The following GABPB2 variants were observed in gnomAD, a reference collection of about 807,000 sequenced individuals.
The protein encoded by GABPB2 is GA binding protein transcription factor subunit beta 2.
GABPB2 carries 23 observed loss-of-function variants against 39.1 expected under a neutral mutation model. The ratio of observed to expected loss-of-function variants is 0.59; its 90% CI spans 0.42 to 0.83. GABPB2 has a LOEUF of 0.83. Among genes scored for constraint, GABPB2 ranks in the 40% least tolerant of loss-of-function variants. GABPB2 has a pLI of 0.00. For missense variants in GABPB2, 467 were observed against 541.1 expected, an observed-to-expected ratio of 0.86 and a Z score of 1.36; for synonymous variants, 184 against 199.3, an observed-to-expected ratio of 0.92 and a Z score of 0.65.
At chr1:151,088,525 A>G (rs1302019362) in intron 2 of GABPB2, 14 of 1,079,562 alleles carry the variant, frequency 1.3e-5, no homozygotes, top group Non-Finnish European at 2.6e-6. Flanking sequence ...AAGGTATTAT[A>G]TACTTGTGAT....
chr1:151,098,523 A>T (rs1454774026), intron 5 of GABPB2, among the ~76,000 whole-genome samples: 1 of 151,976 alleles, frequency 6.6e-6, no homozygotes, highest in East Asian at 1.9e-4. Context: ...AAAAAGGAAA[A>T]TATTGTACAG....
intron 4 of GABPB2, among the ~76,000 whole-genome samples, chr1:151,096,398 G>C (rs943747898): frequency 3.9e-5 from 6 of 152,118 alleles, no homozygotes; most frequent in African/African-American, 1.4e-4. Flanking sequence ...CTGGGCGACA[G>C]AGTGGGACTC....
chr1:151,112,904 G>A (rs1262134527), intron 7 of GABPB2, among the ~76,000 whole-genome samples: 3 of 151,342 alleles, frequency 2.0e-5, no homozygotes, highest in Non-Finnish European at 4.4e-5. Context: ...CTGAGTAGCT[G>A]GGACTACAGG....
chr1:151,106,948 G>T, intron 6 of GABPB2, 89 bp from the exon 7 acceptor site: 2 of 795,660 alleles, frequency 2.5e-6, no homozygotes, highest in Non-Finnish European at 3.8e-6. Flanking sequence ...TCCTCTCCCT[G>T]AATGTTGTCA....
At chr1:151,079,574 T>C (rs1210109911) in intron 1 of GABPB2, among the ~76,000 whole-genome samples, 1 of 151,618 alleles carries the variant, frequency 6.6e-6, no homozygotes, top group Admixed American at 6.6e-5. Context: ...TAAATGTAGA[T>C]ATGAAAGCAG....
intron 5 of GABPB2, among the ~76,000 whole-genome samples, chr1:151,101,574 CAAAAAAAAAAGAA>C (rs747251794): frequency 7.2e-6 from 1 of 139,838 alleles, no homozygotes; most frequent in Non-Finnish European, 1.6e-5. Flanking sequence ...AACTCCGTCT[CAAAAAAAAAAGAA>C]AAAGAAAAAA....
intron 6 of GABPB2, among the ~76,000 whole-genome samples, chr1:151,106,446 T>C (rs917704745): frequency 1.3e-5 from 2 of 152,072 alleles, no homozygotes; most frequent in Non-Finnish European, 2.9e-5. Context: ...CAAGCGATTC[T>C]CGTGCCTCAG....
chr1:151,083,744 G>T (rs930817355), intron 1 of GABPB2, among the ~76,000 whole-genome samples: 3 of 150,614 alleles, frequency 2.0e-5, no homozygotes, highest in Non-Finnish European at 4.4e-5. Context: ...TCATTTATTT[G>T]TTATTATTAT....
intron 7 of GABPB2, among the ~76,000 whole-genome samples, chr1:151,113,394 C>T (rs141617768): frequency 0.011 from 1,629 of 148,776 alleles, 43 homozygotes; most frequent in African/African-American, 0.039. Flanking sequence ...GGGTGAACCC[C>T]GGAGGCGGAG....
At chr1:151,081,317 C>T (rs1162385939) in intron 1 of GABPB2, among the ~76,000 whole-genome samples, 6 of 152,070 alleles carry the variant, frequency 3.9e-5, no homozygotes, top group East Asian at 3.9e-4. Context: ...GGTGAAACCC[C>T]GTCTCTACTA....
chr1:151,087,633 C>T (rs1045659650), intron 1 of GABPB2, among the ~76,000 whole-genome samples: 14 of 151,560 alleles, frequency 9.2e-5, no homozygotes, highest in Admixed American at 7.2e-4. Flanking sequence ...AGCAATACAG[C>T]GAGACTTAGT....
At chr1:151,071,453 C>CTT (rs71090124) in intron 1 of GABPB2, among the ~76,000 whole-genome samples, 2 of 100,522 alleles carry the variant, frequency 2.0e-5, no homozygotes, top group Admixed American at 1.5e-4. Context: ...CTTTTTTGCT[C>CTT]TTTTTTTTTT....
rs939642966 is a variant in GABPB2 at position 151,090,346 on chromosome 1, C to G, written c.109-60C>G. Reference sequence around the variant, plus strand: ...CCATAGCTTGTTCATTTGTATCTCTCCAGTAACGATCTAGGACTCTGCACA... The same window carrying G: ...CCATAGCTTGTTCATTTGTATCTCTGCAGTAACGATCTAGGACTCTGCACA... On this transcript the variant is annotated intron_variant, in intron 2 of 8. Transcript: ENST00000368918. 4 of 1,452,864 alleles carry G rather than the reference C, an allele frequency of 2.8e-6. No individual in the cohort carries two copies. The African/African-American group carries it at 5.6e-5, about 20-fold the overall frequency. The allele number at this position is 1,452,864 out of a possible 1,614,324, so 90.0% of individuals were successfully genotyped here.
At chr1:151,113,395 G>A (rs964010144) in intron 7 of GABPB2, among the ~76,000 whole-genome samples, 4 of 151,392 alleles carry the variant, frequency 2.6e-5, no homozygotes, top group African/African-American at 9.7e-5. Flanking sequence ...GGTGAACCCC[G>A]GAGGCGGAGC....
At chr1:151,083,382 A>G (rs1677885337) in intron 1 of GABPB2, among the ~76,000 whole-genome samples, 1 of 152,238 alleles carries the variant, frequency 6.6e-6, no homozygotes, top group Admixed American at 6.5e-5. Flanking sequence ...CTGTAATCCC[A>G]GCACTTTGGG....
chr1:151,118,076 G>T lies in GABPB2; in HGVS notation c.1167G>T (p.Leu389=), dbSNP rs1241350623. ...EQEAEQYRLK[L]EAIARQQPNG... ...AAGCAGAACAGTACCGTCTTAAGCT[G>T]GAGGCCATAGCCCGACAGCAGCCCA... The change falls in exon 9 of 9, where the codon CTG becomes CTT. Residue 389 remains leucine (L), a synonymous_variant. Coordinates refer to ENST00000368918, the MANE Select transcript of GABPB2 (RefSeq NM_144618.3). 6.2e-7 allele frequency: 1 copy of T among 1,614,156 alleles called. No homozygotes were observed. The highest frequency in any genetic ancestry group is 8.5e-7 in the Non-Finnish European group (1 of 1,180,034).
At position 151,076,673 on chromosome 1, in the gene GABPB2, A is replaced by G. The variant is rs965402990; in HGVS notation, c.-1+5739A>G. On this transcript the variant is annotated intron_variant, in intron 1 of 8. Coordinates refer to ENST00000368918, the MANE Select transcript of GABPB2 (RefSeq NM_144618.3). ...TCGAACACCTGACCTCAGGTGATCC[A>G]CCCGCCTCAGCCTCCCAAAGTGCTG... Among the ~76,000 whole-genome samples the G allele has an allele frequency of 1.5e-3, 226 of 151,702 alleles. 1 individual carries two copies. Among genetic ancestry groups the G allele is most frequent in the African/African-American group, 5.4e-3 (222 of 41,310 alleles).
intron 1 of GABPB2, 107 bp downstream of exon 1, chr1:151,071,041 T>G (rs1008914843): frequency 6.6e-6 from 1 of 151,786 alleles, no homozygotes; most frequent in South Asian, 2.1e-4. Flanking sequence ...GACTTCTGGG[T>G]GCAGACCTCG....
At chr1:151,109,020 T>C (rs1464200295) in intron 7 of GABPB2, among the ~76,000 whole-genome samples, 1 of 151,764 alleles carries the variant, frequency 6.6e-6, no homozygotes, top group Non-Finnish European at 1.5e-5. Context: ...GACCCCCTCA[T>C]CTCTACGCAA....
Sources: gnomAD v4.1 joint callset for allele counts (sites outside exome capture counted in the v4.1 genomes callset) on GRCh38, gnomAD v4.1.1 for gene constraint, MANE v1.5 for transcripts, NCBI Gene and HGNC (gene_info 2026-07-23, HGNC 2026-07-21) for gene names.